Variants in MYH9 observed in about 807,000 individuals in gnomAD.
MYH9 encodes myosin heavy chain 9.
MYH9 carries 29 observed loss-of-function variants against 241.9 expected under a neutral mutation model. The ratio of observed to expected loss-of-function variants is 0.12; its 90% CI spans 0.09 to 0.16. MYH9 has a LOEUF of 0.16. MYH9 is among the 10% of genes least tolerant of loss of function. MYH9 has a pLI of 1.00. For missense variants in MYH9, 1,803 were observed against 2,595.5 expected, an observed-to-expected ratio of 0.69 and a Z score of 6.63; for synonymous variants, 1,047 against 1,062.6, an observed-to-expected ratio of 0.99 and a Z score of 0.29.
rs1429982397 is a variant in MYH9 at position 36,379,233 on chromosome 22, C to T, written c.-20+8574G>A. Among the ~76,000 whole-genome samples the T allele has an allele frequency of 2.6e-5, 4 of 152,306 alleles. No homozygotes were observed. The South Asian group carries it at 8.3e-4, about 32-fold the overall frequency. ...TTAAAAATTGTACAGAGAGGCCAGG[C>T]GTGGTGGCTCACGCCTGTAATCCCA... On this transcript the variant is annotated intron_variant, in intron 1 of 40. Coordinates refer to ENST00000216181, the MANE Select transcript of MYH9 (RefSeq NM_002473.6).
At chr22:36,286,558 A>C (rs1314172380) in intron 35 of MYH9, among the ~76,000 whole-genome samples, 160 bp downstream of exon 35, 1 of 152,228 alleles carries the variant, frequency 6.6e-6, no homozygotes, top group Non-Finnish European at 1.5e-5. Context: ...CCCCGCTATG[A>C]AACGGAACCC....
Position 36,329,825 on chromosome 22 carries a change from A to G in MYH9, c.491-2337T>C, listed in dbSNP as rs1487249583. On this transcript the variant is annotated intron_variant, in intron 3 of 40. Transcript: ENST00000216181. This position sits in a 1 kb window ranked among gnomAD's most constrained non-coding sequence, Gnocchi z 4.1. ...CACATAGACACGCAAGCATCTGTGC[A>G]TACACAGTCACATATGGAGGTAGGT... Among the ~76,000 whole-genome samples, 1 of 152,230 alleles carries G rather than the reference A, an allele frequency of 6.6e-6. No individual in the cohort carries two copies. Among genetic ancestry groups the G allele is most frequent in the Non-Finnish European group, 1.5e-5 (1 of 68,034 alleles).
At chr22:36,314,436 T>C in intron 12 of MYH9, 118 bp from the exon 13 acceptor site, 2 of 1,262,590 alleles carry the variant, frequency 1.6e-6, no homozygotes, top group East Asian at 2.5e-5. Context: ...GGCACCTCCA[T>C]GCCGCTGCCT....
rs1482411814 is a variant in MYH9, at chr22:36,319,392, C to T, written c.1108+148G>A. The T allele has an allele frequency of 1.3e-5, 10 of 776,940 alleles. No individual in the cohort carries two copies. In the Middle Eastern group the frequency reaches 8.9e-4, roughly 69 times the overall value. The allele number at this position is 776,940 out of a possible 1,614,324, so 48.1% of individuals were successfully genotyped here. A position where few individuals can be genotyped will look rare whatever the true frequency, so the allele number is the denominator to read the frequency against. On this transcript the variant is annotated intron_variant, in intron 10 of 40. Transcript: ENST00000216181. ...AGAAAAAAAAGCAGGGTCATGTTTACGTGTGTTTTACATCTGTATAGAAAA... is the reference window on the plus strand; with the variant it reads ...AGAAAAAAAAGCAGGGTCATGTTTATGTGTGTTTTACATCTGTATAGAAAA...
In MYH9 at chr22:36,293,288, C is replaced by T; in HGVS notation, c.4095+41G>A. 1.2e-6 allele frequency: 2 copies of T among 1,612,712 alleles called. No individual in the cohort carries two copies. Among genetic ancestry groups the T allele is most frequent in the Non-Finnish European group, 1.7e-6 (2 of 1,179,728 alleles). On this transcript the variant is annotated intron_variant, in intron 30 of 40. Transcript: ENST00000216181. The surrounding 1 kb of genome is among the most constrained non-coding windows in gnomAD (Gnocchi z 5.1). ...CAGGCCAGTGCCCGGCCAGCAGCTC[C>T]CCAGCCTGCAGAGTCCGGCCGGTCC... is the stretch of plus-strand genomic sequence containing the variant.
At chr22:36,340,657 C>T (rs2017571310) in intron 3 of MYH9, among the ~76,000 whole-genome samples, 1 of 147,294 alleles carries the variant, frequency 6.8e-6, no homozygotes, top group Non-Finnish European at 1.5e-5. Context: ...AACGAGATTC[C>T]GTCTCAAAAA....
At chr22:36,307,276 G>A (rs147901710) in intron 15 of MYH9, among the ~76,000 whole-genome samples, 4 of 152,270 alleles carry the variant, frequency 2.6e-5, no homozygotes, top group Non-Finnish European at 5.9e-5. Context: ...TCTTTCTCAT[G>A]TAAACCGACC....
Position 36,281,389 on chromosome 22 carries a change from A to T in MYH9, c.*1279T>A. The stretch of plus-strand genomic sequence containing the variant: ...CTAAGGCACTTTTATTATATAAAAA[A>T]GGGGGTAGGGTGGGAGTTTCACTCA... On this transcript the variant is annotated 3_prime_UTR_variant, in exon 41 of 41. Coordinates refer to ENST00000216181, the MANE Select transcript of MYH9 (RefSeq NM_002473.6). 4.4e-6 allele frequency: 1 copy of T among 226,058 alleles called. No individual in the cohort carries two copies. Among genetic ancestry groups the T allele is most frequent in the East Asian group, 6.4e-5 (1 of 15,626 alleles). The allele number at this position is 226,058 out of a possible 1,614,324, so 14.0% of individuals were successfully genotyped here. A position where few individuals can be genotyped will look rare whatever the true frequency, so the allele number is the denominator to read the frequency against.
chr22:36,285,854 A>G lies in MYH9; in HGVS notation c.5150+11T>C. 1.2e-6 allele frequency: 2 copies of G among 1,611,808 alleles called. No homozygotes were observed. The highest frequency in any genetic ancestry group is 1.7e-6 in the Non-Finnish European group (2 of 1,178,850). ...TGGTCCCCCCCAACTCTGCCCCCTCACTCAGCTCACCCTTTGCCGCTGCTG... is the reference window on the plus strand; with the variant it reads ...TGGTCCCCCCCAACTCTGCCCCCTCGCTCAGCTCACCCTTTGCCGCTGCTG... On this transcript the variant is annotated intron_variant, in intron 36 of 40. Transcript: ENST00000216181. The surrounding 1 kb of genome is among the most constrained non-coding windows in gnomAD (Gnocchi z 7.0).
At chr22:36,294,894 C>CCCTGCCCT in intron 27 of MYH9, 38 bp downstream of exon 27, 1 of 1,606,540 alleles carries the variant, frequency 6.2e-7, no homozygotes, top group South Asian at 1.1e-5. Context: ...GCACGGGGAA[C>CCCTGCCCT]CCTGCCCTCC....
At position 36,300,335 on chromosome 22, in the gene MYH9, C is replaced by T. The variant is rs781723953; in HGVS notation, c.2839-71G>A. 51 of 1,597,906 alleles carry T rather than the reference C, an allele frequency of 3.2e-5. No homozygotes were observed. The Middle Eastern group carries it at 6.7e-4, about 21-fold the overall frequency. On this transcript the variant is annotated intron_variant, in intron 22 of 40. Transcript: ENST00000216181. The surrounding 1 kb of genome is among the most constrained non-coding windows in gnomAD (Gnocchi z 5.0). Reference sequence around the variant, plus strand: ...TGGCCAAGGTGAAGGCAGCAAGGTCCGAAGGCCAGATCCAAACGCCAAGGA... The same window carrying T: ...TGGCCAAGGTGAAGGCAGCAAGGTCTGAAGGCCAGATCCAAACGCCAAGGA...
Position 36,300,010 on chromosome 22 carries a change from T to C in MYH9, c.2976+117A>G. On this transcript the variant is annotated intron_variant, in intron 23 of 40. Transcript: ENST00000216181. This position sits in a 1 kb window ranked among gnomAD's most constrained non-coding sequence, Gnocchi z 5.0. ...TGCAGTTAAGCAGAAGCCCTCATGC[T>C]GCAGGCAGAAGAGACAGGAAGCAGC... The C allele has an allele frequency of 6.9e-7, 1 of 1,446,134 alleles. No individual in the cohort carries two copies. Among genetic ancestry groups the C allele is most frequent in the Non-Finnish European group, 9.6e-7 (1 of 1,043,072 alleles). 89.6% of individuals were successfully genotyped at this position (1,446,134 alleles called of 1,614,324 possible).
At chr22:36,314,467 G>T in intron 12 of MYH9, 149 bp from the exon 13 acceptor site, 1 of 1,007,078 alleles carries the variant, frequency 9.9e-7, no homozygotes, top group Non-Finnish European at 1.5e-6. Flanking sequence ...GATGCTCCTG[G>T]CCTTCCCTTT....
At position 36,305,238 on chromosome 22, in the gene MYH9, G is replaced by C. The variant is rs1435223863; in HGVS notation, c.2160-136C>G. On this transcript the variant is annotated intron_variant, in intron 17 of 40. Coordinates refer to ENST00000216181, the MANE Select transcript of MYH9 (RefSeq NM_002473.6). The surrounding 1 kb of genome is among the most constrained non-coding windows in gnomAD (Gnocchi z 4.7). ...CTTTACACAAACTCTCCTAAGGAAA[G>C]AAGACACAGGCAAATCCCACCCCAC... 1 of 813,724 alleles carries C rather than the reference G, an allele frequency of 1.2e-6. No homozygotes were observed. The highest frequency in any genetic ancestry group is 2.1e-6 in the Non-Finnish European group (1 of 483,412). The allele number at this position is 813,724 out of a possible 1,614,324, so 50.4% of individuals were successfully genotyped here.
At chr22:36,381,515 CA>C (rs772541129) in intron 1 of MYH9, among the ~76,000 whole-genome samples, 1,611 of 124,430 alleles carry the variant, frequency 0.013, 23 homozygotes, top group African/African-American at 0.037. Flanking sequence ...GACTCCATCT[CA>C]AAAAAAAAAA....
At chr22:36,362,083 C>T (rs2017944258) in intron 1 of MYH9, among the ~76,000 whole-genome samples, 1 of 151,970 alleles carries the variant, frequency 6.6e-6, no homozygotes, top group Non-Finnish European at 1.5e-5. Context: ...ATAAAAAAAA[C>T]AGAAATCATC....
chr22:36,365,067 T>A (rs1162746716), intron 1 of MYH9: 1 of 119,124 alleles, frequency 8.4e-6, no homozygotes, highest in Admixed American at 1.2e-4. Context: ...GATGACAAAA[T>A]AAGCTCCCAG....
intron 31 of MYH9, among the ~76,000 whole-genome samples, chr22:36,291,303 A>C (rs1435025448): frequency 2.0e-5 from 3 of 152,254 alleles, no homozygotes; most frequent in Admixed American, 6.5e-5. Context: ...AAAGAAGTAT[A>C]CATGGGAGAC....
At chr22:36,304,882 G>T in intron 18 of MYH9, 151 bp downstream of exon 18, 1 of 770,724 alleles carries the variant, frequency 1.3e-6, no homozygotes, top group Admixed American at 2.0e-5. Context: ...ACTGCAAAGG[G>T]CGCCCGGCAG....
Sources: allele counts gnomAD v4.1 joint callset (sites outside exome capture counted in the v4.1 genomes callset), GRCh38; gene constraint gnomAD v4.1.1; non-coding constraint Gnocchi (gnomAD v3.1); transcripts MANE v1.5; gene names NCBI Gene and HGNC (gene_info 2026-07-23, HGNC 2026-07-21).